The following ANK1 variants were observed in gnomAD, a reference collection of about 807,000 sequenced individuals.
The protein encoded by ANK1 is ankyrin-1.
In ANK1, 51 loss-of-function variants were observed where a neutral mutation model predicts 210.4. The observed-to-expected ratio is 0.24, with a 90% CI of 0.19 to 0.31. The LOEUF is 0.31. Ranked by LOEUF, ANK1 falls within the 10% of genes least tolerant of loss-of-function variation. ANK1 has a pLI of 1.00. For synonymous variants in ANK1, 967 were observed against 1,025.9 expected (o/e 0.94, Z 1.10); for missense variants, 2,051 against 2,504.4 (o/e 0.82, Z 3.86).
intron 37 of ANK1, among the ~76,000 whole-genome samples, chr8:41,679,344 G>A (rs1253495845): frequency 6.6e-6 from 1 of 152,096 alleles, no homozygotes; most frequent in Non-Finnish European, 1.5e-5. Context: ...ATTTTATCAG[G>A]GAGGACTGGA....
chr8:41,734,990 A>G (rs1586573265), intron 2 of ANK1, among the ~76,000 whole-genome samples: 1 of 152,136 alleles, frequency 6.6e-6, no homozygotes, highest in East Asian at 1.9e-4. Context: ...GCTTTAGGAA[A>G]AGCAAAAAAC....
At chr8:41,872,988 C>T (rs1476998677) in intron 1 of ANK1, among the ~76,000 whole-genome samples, 1 of 152,238 alleles carries the variant, frequency 6.6e-6, no homozygotes, top group Non-Finnish European at 1.5e-5. Flanking sequence ...CCTCAATCCT[C>T]TTCAACGGAA....
At position 41,805,084 on chromosome 8, in the gene ANK1, CGTGT is replaced by C. The variant is rs888671837; in HGVS notation, c.127-46951_127-46948del. Among the ~76,000 whole-genome samples the C allele has an allele frequency of 2.2e-5, 3 of 134,052 alleles. No homozygotes were observed. The South Asian group carries it at 7.2e-4, about 32-fold the overall frequency. The allele number at this position is 134,052 out of a possible 152,430, so 87.9% of individuals were successfully genotyped here. A position where few individuals can be genotyped will look rare whatever the true frequency, so the allele number is the denominator to read the frequency against. On this transcript the variant is annotated intron_variant, in intron 1 of 42. Transcript: ENST00000265709. ...TCTCTCTGTGTGTGTGTGTGTGTGT[CGTGT>C]GTGTGTGTGTGTTTCTCTCTCTCAT...
At chr8:41,799,295 A>G (rs149105337), upstream of ANK1, among the ~76,000 whole-genome samples, 1 of 152,328 alleles carries the variant, frequency 6.6e-6, no homozygotes, top group Admixed American at 6.5e-5. Context: ...TTGGCAACAC[A>G]TACTGGGCCA....
rs372961624 is a variant in ANK1 at position 41,694,611 on chromosome 8, C to T, written c.3308G>A (p.Arg1103Lys). The T allele has an allele frequency of 8.1e-6, 13 of 1,613,592 alleles. No homozygotes were observed. The highest frequency in any genetic ancestry group is 2.2e-5 in the East Asian group (1 of 44,886). Reference protein sequence around the residue: ...ATFPENAVTKRVKLALQAQPV... With the variant: ...ATFPENAVTKKVKLALQAQPV... The stretch of plus-strand genomic sequence containing the variant: ...TGTCACCTGCAGAGCCAGCTTCACT[C>T]TCTTGGTGACGGCATTCTCCGGGAA... The change falls in exon 28 of 43, where the codon AGA becomes AAA. Residue 1103 changes from arginine (R) to lysine (K), a missense_variant. Coordinates refer to ENST00000289734, the MANE Select transcript of ANK1 (RefSeq NM_000037.4). The surrounding 1 kb of genome is among the most constrained non-coding windows in gnomAD (Gnocchi z 5.7).
chr8:41,717,613 G>C lies in ANK1; in HGVS notation c.1296C>G (p.Val432=), dbSNP rs1229110070. 2.6e-6 allele frequency: 4 copies of C among 1,551,352 alleles called. No homozygotes were observed. Among genetic ancestry groups the C allele is most frequent in the Admixed American group, 2.0e-5 (1 of 50,984 alleles). Residue 432 remains valine (V), a synonymous_variant, in exon 12 of 43, where the codon GTC becomes GTG. Coordinates refer to ENST00000289734, the MANE Select transcript of ANK1 (RefSeq NM_000037.4). ...CTGCCTGAGGGCTTACCACGTTGGA[G>C]ACGTTGGGCGACGCCCCCCGCTGCA... is the stretch of plus-strand genomic sequence containing the variant. ...NLLQRGASPN[V]SNVKVETPLH...
intron 37 of ANK1, among the ~76,000 whole-genome samples, chr8:41,679,493 T>C (rs1228048861): frequency 2.0e-5 from 3 of 151,492 alleles, no homozygotes; most frequent in Admixed American, 6.6e-5. Context: ...GTTCTATCTG[T>C]GCAACTGTCT....
chr8:41,790,367 G>A (rs1488261042), intron 1 of ANK1, among the ~76,000 whole-genome samples: 2 of 152,018 alleles, frequency 1.3e-5, no homozygotes, highest in South Asian at 2.1e-4. Context: ...TGCTGGTCTC[G>A]AACTCCTGCC....
chr8:41,716,772 C>A (rs579414), intron 13 of ANK1, among the ~76,000 whole-genome samples, 181 bp downstream of exon 13: 15 of 152,204 alleles, frequency 9.9e-5, no homozygotes. Flanking sequence ...TGCAGAAATA[C>A]CCCTGGTCTT....
chr8:41,873,949 C>T (rs2150826912), intron 1 of ANK1, among the ~76,000 whole-genome samples: 1 of 152,344 alleles, frequency 6.6e-6, no homozygotes, highest in Admixed American at 6.5e-5. Flanking sequence ...AACCAACACC[C>T]TCCCCCTACA....
chr8:41,796,170 C>T (rs1181969402), intron 1 of ANK1, among the ~76,000 whole-genome samples: 4 of 152,116 alleles, frequency 2.6e-5, no homozygotes, highest in Non-Finnish European at 5.9e-5. Flanking sequence ...TTTTCATAAC[C>T]GAGTAACTCA....
At chr8:41,679,218 C>T (rs756832873) in intron 37 of ANK1, among the ~76,000 whole-genome samples, 13 of 152,182 alleles carry the variant, frequency 8.5e-5, no homozygotes, top group East Asian at 3.8e-4. Flanking sequence ...CTGGACATTG[C>T]GAATTTTACC....
chr8:41,689,895 C>G (rs1372640041), intron 33 of ANK1, among the ~76,000 whole-genome samples: 5 of 152,210 alleles, frequency 3.3e-5, no homozygotes, highest in Non-Finnish European at 5.9e-5. Flanking sequence ...GACACCGAGG[C>G]AGATGCCCTT....
At chr8:41,703,544 C>T (rs1284615902) in intron 20 of ANK1, among the ~76,000 whole-genome samples, 3 of 148,412 alleles carry the variant, frequency 2.0e-5, no homozygotes, top group Admixed American at 1.4e-4. Context: ...ACTGCAGTGG[C>T]GCAATCACAG....
At chr8:41,890,260 T>C (rs1027004761) in intron 1 of ANK1, among the ~76,000 whole-genome samples, 40 of 152,384 alleles carry the variant, frequency 2.6e-4, no homozygotes, top group South Asian at 2.1e-3. Flanking sequence ...GGCTTGTTCA[T>C]GCACACGTAG....
intron 9 of ANK1, 108 bp downstream of exon 9, chr8:41,723,016 CA>C: frequency 1.0e-6 from 1 of 972,816 alleles, no homozygotes; most frequent in East Asian, 2.4e-5. Flanking sequence ...GGTGCTATCT[CA>C]TCTAGTAGTA....
In ANK1 at chr8:41,661,935, G is replaced by A. The variant is rs751690725; in HGVS notation, c.5485C>T (p.Arg1829Cys). The A allele has an allele frequency of 6.9e-5, 112 of 1,613,868 alleles. No individual in the cohort carries two copies. The highest frequency in any genetic ancestry group is 9.4e-5 in the Non-Finnish European group (111 of 1,180,008). Reference sequence around the variant, plus strand: ...AAGTCTATCTGTCGAACCACCTTGCGAATGATCTAGGAAAGGAAGGGAAGG... The same window carrying A: ...AAGTCTATCTGTCGAACCACCTTGCAAATGATCTAGGAAAGGAAGGGAAGG... Reference protein sequence around the residue: ...QGNIVTKKIIRKVVRQIDLSS... With the variant: ...QGNIVTKKIICKVVRQIDLSS... Residue 1829 changes from arginine to cysteine, a missense_variant, in exon 41 of 43, where the codon CGC (arginine) becomes TGC (cysteine). Arg to Cys is a radical substitution (Grantham distance 180). Transcript: ENST00000289734.
In ANK1 at chr8:41,704,091, T is replaced by C. The variant is rs760154204; in HGVS notation, c.2245A>G (p.Ile749Val). The change falls in exon 20 of 43, where the codon ATC (isoleucine) becomes GTC (valine). Residue 749 changes from isoleucine (I) to valine (V), a missense_variant. Transcript: ENST00000289734. This position sits in a 1 kb window ranked among gnomAD's most constrained non-coding sequence, Gnocchi z 4.1. ...HQAAQQGHTD[I>V]VTLLLKNGAS... Reference sequence around the variant, plus strand: ...CCGTTTTTCAGAAGCAGAGTCACGATGTCTGTGTGTCCCTGCTGGGCTGCC... The same window carrying C: ...CCGTTTTTCAGAAGCAGAGTCACGACGTCTGTGTGTCCCTGCTGGGCTGCC... The C allele has an allele frequency of 2.5e-6, 4 of 1,614,180 alleles. No individual in the cohort carries two copies. Among genetic ancestry groups the C allele is most frequent in the Middle Eastern group, 1.6e-4 (1 of 6,062 alleles).
Position 41,695,180 on chromosome 8 carries a change from C to T in ANK1, c.3112G>A (p.Glu1038Lys), listed in dbSNP as rs150407107. ...YLDQILNGMD[E>K]ELGSLEELEK... ...CCCTGGGATCCCCCGCCCCTACCTT[C>T]GTCCATCCCGTTGAGGATCTGATCC... Residue 1038 changes from glutamate to lysine, a missense_variant, in exon 27 of 43, where the codon GAA (glutamate) becomes AAA (lysine). Physicochemically the swap from Glu to Lys is moderately conservative, Grantham distance 56. This residue lies in a region of ANK1 where 1,413 missense variants were observed against 1,707.4 expected (regional missense o/e 0.83). Transcript: ENST00000289734. The T allele has an allele frequency of 1.4e-5, 22 of 1,614,058 alleles. No individual in the cohort carries two copies. The highest frequency in any genetic ancestry group is 2.7e-5 in the African/African-American group (2 of 74,950).
Sources: gnomAD v4.1 joint callset for allele counts (sites outside exome capture counted in the v4.1 genomes callset) on GRCh38, gnomAD v4.1.1 for gene constraint, gnomAD v4.1.1 regional missense constraint, Gnocchi (gnomAD v3.1) non-coding constraint, MANE v1.5 for transcripts, NCBI Gene and HGNC (gene_info 2026-07-23, HGNC 2026-07-21) for gene names.